The following DOK5 variants were observed in gnomAD, a reference collection of about 807,000 sequenced individuals.
The protein encoded by DOK5 is docking protein 5.
DOK5 carries 27 observed loss-of-function variants against 43.3 expected under a neutral mutation model. The ratio of observed to expected loss-of-function variants is 0.62; its 90% CI spans 0.46 to 0.86. The LOEUF (loss-of-function observed/expected upper bound fraction) is 0.86, where lower values mean the gene tolerates loss of function less well. DOK5 is among the 40% of genes least tolerant of loss of function. The probability of loss-of-function intolerance (pLI) is 0.00; values close to 1 mark genes in which losing one functional copy is unlikely to be tolerated. For synonymous variants in DOK5, 146 were observed against 140.1 expected (o/e 1.04, Z -0.30); for missense variants, 373 against 392.9 (o/e 0.95, Z 0.43).
intron 6 of DOK5, among the ~76,000 whole-genome samples, chr20:54,620,592 C>A (rs1467223656): frequency 2.0e-5 from 3 of 152,144 alleles, no homozygotes; most frequent in East Asian, 1.9e-4. Flanking sequence ...TTTAAATATA[C>A]CCCTTATGCA....
intron 6 of DOK5, among the ~76,000 whole-genome samples, chr20:54,636,559 A>T (rs1435318919): frequency 6.6e-6 from 1 of 152,122 alleles, no homozygotes; most frequent in East Asian, 1.9e-4. Flanking sequence ...GGCTCAGCAT[A>T]TGAGGACCAT....
intron 5 of DOK5, among the ~76,000 whole-genome samples, chr20:54,598,446 A>G (rs973596659): frequency 6.6e-6 from 1 of 152,076 alleles, no homozygotes; most frequent in Non-Finnish European, 1.5e-5. Flanking sequence ...CTGCAGCAAA[A>G]TCTCCCTTGG....
intron 6 of DOK5, among the ~76,000 whole-genome samples, chr20:54,634,709 G>A (rs1024092771): frequency 8.6e-5 from 13 of 151,596 alleles, no homozygotes; most frequent in Non-Finnish European, 1.6e-4. Context: ...CCAAAGTGCC[G>A]GGATTAATAT....
chr20:54,524,431 C>G (rs747439770), intron 1 of DOK5, among the ~76,000 whole-genome samples: 5 of 152,196 alleles, frequency 3.3e-5, no homozygotes, highest in Non-Finnish European at 5.9e-5. Context: ...AAACTCCTAA[C>G]TCTGCTTTTC....
At chr20:54,564,306 C>T (rs1189559811) in intron 2 of DOK5, among the ~76,000 whole-genome samples, 1 of 152,096 alleles carries the variant, frequency 6.6e-6, no homozygotes, top group African/African-American at 2.4e-5. Context: ...TGGTGGGTGC[C>T]TGTGGTCCCA....
intron 1 of DOK5, among the ~76,000 whole-genome samples, chr20:54,501,680 G>A (rs559691093): frequency 5.3e-5 from 8 of 152,082 alleles, no homozygotes; most frequent in Non-Finnish European, 1.2e-4. Context: ...GATACATACA[G>A]TGTTTTGTGA....
chr20:54,604,272 A>G (rs1441178806), intron 5 of DOK5, among the ~76,000 whole-genome samples: 1 of 149,212 alleles, frequency 6.7e-6, no homozygotes, highest in Non-Finnish European at 1.5e-5. Flanking sequence ...AGTTTGCCTC[A>G]CTTTCACAGA....
chr20:54,529,672 G>A (rs1322430122), intron 1 of DOK5, among the ~76,000 whole-genome samples: 3 of 152,036 alleles, frequency 2.0e-5, no homozygotes, highest in Admixed American at 6.6e-5. Context: ...AATTTAGAAC[G>A]TTTTCATCAT....
intron 5 of DOK5, among the ~76,000 whole-genome samples, chr20:54,605,108 T>TACAC (rs11471905): frequency 0.28 from 41,769 of 148,712 alleles, 6,515 homozygotes; most frequent in African/African-American, 0.39. Flanking sequence ...CCATATATTC[T>TACAC]ACACACACAC....
At chr20:54,476,214 G>T (rs1028079277) in intron 1 of DOK5, 5 of 985,162 alleles carry the variant, frequency 5.1e-6, no homozygotes, top group Admixed American at 6.1e-5. Flanking sequence ...TTTATCTCTT[G>T]GATGACTTGG....
At chr20:54,582,829 C>T (rs1985683772) in intron 2 of DOK5, among the ~76,000 whole-genome samples, 1 of 151,884 alleles carries the variant, frequency 6.6e-6, no homozygotes, top group South Asian at 2.1e-4. Flanking sequence ...TTCTTGGTTT[C>T]ACTGGTTTTT....
At chr20:54,566,748 C>T (rs1376940079) in intron 2 of DOK5, among the ~76,000 whole-genome samples, 1 of 152,188 alleles carries the variant, frequency 6.6e-6, no homozygotes, top group Non-Finnish European at 1.5e-5. Flanking sequence ...TACCAAGTAG[C>T]TAGGACTACA....
chr20:54,581,939 G>C (rs977727153), intron 2 of DOK5, among the ~76,000 whole-genome samples: 2 of 151,888 alleles, frequency 1.3e-5, no homozygotes, highest in Non-Finnish European at 2.9e-5. Flanking sequence ...TTGAATAAAT[G>C]TGGTGATAGT....
At chr20:54,585,621 C>T (rs1189554610) in intron 2 of DOK5, among the ~76,000 whole-genome samples, 7 of 152,244 alleles carry the variant, frequency 4.6e-5, no homozygotes, top group Middle Eastern at 3.4e-3. Flanking sequence ...GGCTAAAGAG[C>T]CTCTGGTTGA....
chr20:54,532,790 C>G (rs529044273), intron 1 of DOK5, among the ~76,000 whole-genome samples: 5 of 152,164 alleles, frequency 3.3e-5, no homozygotes, highest in Non-Finnish European at 7.3e-5. Flanking sequence ...CAGAGACCTG[C>G]GATCTGAGTG....
At chr20:54,520,041 A>G (rs1397490130) in intron 1 of DOK5, among the ~76,000 whole-genome samples, 2 of 152,140 alleles carry the variant, frequency 1.3e-5, no homozygotes, top group African/African-American at 4.8e-5. Flanking sequence ...TTCACTGAAC[A>G]TTTGAACTCT....
At chr20:54,557,042 C>T (rs930344592) in intron 2 of DOK5, among the ~76,000 whole-genome samples, 12 of 152,294 alleles carry the variant, frequency 7.9e-5, no homozygotes, top group African/African-American at 2.9e-4. Flanking sequence ...GCTGTATGCT[C>T]AAAATGTATG....
At position 54,650,560 on chromosome 20, in the gene DOK5, G is replaced by A. The variant is rs1426212530; in HGVS notation, c.*81G>A. On this transcript the variant is annotated 3_prime_UTR_variant, in exon 8 of 8. Coordinates refer to ENST00000262593, the MANE Select transcript of DOK5 (RefSeq NM_018431.5). The stretch of plus-strand genomic sequence containing the variant: ...CAGGAGGTCACAGAATGACAGCAAG[G>A]GAAATGACGACCAAGAGAAGAAGCT... 2.2e-6 allele frequency: 3 copies of A among 1,362,902 alleles called. No individual in the cohort carries two copies. Among genetic ancestry groups the A allele is most frequent in the African/African-American group, 2.9e-5 (2 of 69,602 alleles). 84.4% of individuals were successfully genotyped at this position (1,362,902 alleles called of 1,614,324 possible). A position where few individuals can be genotyped will look rare whatever the true frequency, so the allele number is the denominator to read the frequency against.
intron 6 of DOK5, among the ~76,000 whole-genome samples, chr20:54,611,725 T>C (rs1456413825): frequency 6.6e-6 from 1 of 152,210 alleles, no homozygotes; most frequent in African/African-American, 2.4e-5. Context: ...GAAGGAAATA[T>C]ACAAAACAAA....
Sources: gnomAD v4.1 joint callset for allele counts (sites outside exome capture counted in the v4.1 genomes callset) on GRCh38, gnomAD v4.1.1 for gene constraint, MANE v1.5 for transcripts, NCBI Gene and HGNC (gene_info 2026-07-23, HGNC 2026-07-21) for gene names.